Variants in MAP2K6 observed in about 807,000 individuals in gnomAD.
MAP2K6 encodes mitogen-activated protein kinase kinase 6.
In MAP2K6, 16 loss-of-function variants were observed where a neutral mutation model predicts 53.7. The observed-to-expected ratio is 0.30, with a 90% CI of 0.20 to 0.45. The LOEUF is 0.45. Ranked by LOEUF, MAP2K6 falls within the 20% of genes least tolerant of loss-of-function variation. The pLI, the probability that MAP2K6 is intolerant of heterozygous loss-of-function variation, is 1.00. For missense variants in MAP2K6, 204 were observed against 411.9 expected (o/e 0.50, Z 4.37); for synonymous variants, 132 against 143.1 (o/e 0.92, Z 0.55).
At position 69,530,530 on chromosome 17, in the gene MAP2K6, T is replaced by A. The variant is rs574951803; in HGVS notation, c.881+3821T>A. Among the ~76,000 whole-genome samples the A allele has an allele frequency of 5.3e-5, 8 of 152,250 alleles. No homozygotes were observed. In the East Asian group the frequency reaches 9.7e-4, roughly 18 times the overall value. ...TTTTGTTGGTATGGGAATTAAGAAA[T>A]AGAAGGGAATCGTTAATTCTGAATT... On this transcript the variant is annotated intron_variant, in intron 10 of 11. Coordinates refer to ENST00000590474, the MANE Select transcript of MAP2K6 (RefSeq NM_002758.4).
chr17:69,497,126 A>T (rs955594293), intron 1 of MAP2K6, among the ~76,000 whole-genome samples: 1 of 152,080 alleles, frequency 6.6e-6, no homozygotes, highest in Non-Finnish European at 1.5e-5. Flanking sequence ...TGTGGTCTCT[A>T]CCTCTTATTT....
chr17:69,420,746 T>TC (rs397766531), intron 1 of MAP2K6, among the ~76,000 whole-genome samples: 2 of 152,088 alleles, frequency 1.3e-5, no homozygotes, highest in Non-Finnish European at 2.9e-5. Context: ...AATTTTTTTT[T>TC]CTTCAGAATC....
intron 1 of MAP2K6, among the ~76,000 whole-genome samples, chr17:69,449,181 C>T (rs1341342967): frequency 3.3e-5 from 5 of 152,156 alleles, no homozygotes. Flanking sequence ...TACTTAACAT[C>T]TCTGTTTTTT....
Position 69,524,974 on chromosome 17 carries a change from C to T in MAP2K6, c.737C>T (p.Thr246Met). The change falls in exon 9 of 12, where the codon ACG (threonine) becomes ATG (methionine). Residue 246 changes from threonine (T) to methionine (M), a missense_variant. Thr to Met is a moderately conservative substitution (Grantham distance 81). Transcript: ENST00000590474. ...VKSDIWSLGI[T>M]MIELAILRFP... ...TCTGACATTTGGAGTCTGGGCATCA[C>T]GATGGTAGTGTATGCCAATCATCAT... is the stretch of plus-strand genomic sequence containing the variant. The T allele has an allele frequency of 1.2e-6, 2 of 1,610,634 alleles. No individual in the cohort carries two copies. Among genetic ancestry groups the T allele is most frequent in the Non-Finnish European group, 1.7e-6 (2 of 1,177,140 alleles).
intron 2 of MAP2K6, among the ~76,000 whole-genome samples, chr17:69,506,121 C>T (rs1395227986): frequency 6.6e-6 from 1 of 152,148 alleles, no homozygotes; most frequent in Non-Finnish European, 1.5e-5. Flanking sequence ...GCCAGAAAGG[C>T]CCCTGGATGT....
intron 1 of MAP2K6, among the ~76,000 whole-genome samples, chr17:69,439,239 C>G (rs1906741483): frequency 6.6e-6 from 1 of 152,194 alleles, no homozygotes; most frequent in Admixed American, 6.5e-5. Context: ...AGGTCTCCAT[C>G]TCTCCCTGCC....
At chr17:69,527,712 G>T (rs189586541) in intron 10 of MAP2K6, among the ~76,000 whole-genome samples, 6 of 152,282 alleles carry the variant, frequency 3.9e-5, no homozygotes, top group African/African-American at 1.4e-4. Context: ...GAGGGGAGCC[G>T]TTCTGAGTAC....
chr17:69,490,544 G>T (rs1908701347), intron 1 of MAP2K6, among the ~76,000 whole-genome samples: 1 of 152,116 alleles, frequency 6.6e-6, no homozygotes. Context: ...TTGTTAGAGA[G>T]TGTGGCAGTG....
At chr17:69,470,987 C>T (rs1165894295) in intron 1 of MAP2K6, among the ~76,000 whole-genome samples, 4 of 152,210 alleles carry the variant, frequency 2.6e-5, no homozygotes, top group African/African-American at 9.7e-5. Flanking sequence ...CTGGTGCTTT[C>T]ATTGTGAAAT....
intron 1 of MAP2K6, among the ~76,000 whole-genome samples, chr17:69,496,742 C>T (rs2145209049): frequency 6.6e-6 from 1 of 152,156 alleles, no homozygotes; most frequent in South Asian, 2.1e-4. Flanking sequence ...ATTCCCAGAT[C>T]TACTCATTTC....
intron 1 of MAP2K6, among the ~76,000 whole-genome samples, chr17:69,452,521 T>C (rs1907265166): frequency 6.6e-6 from 1 of 152,182 alleles, no homozygotes; most frequent in Non-Finnish European, 1.5e-5. Context: ...CCTACCTGCC[T>C]CATAGGAAAA....
chr17:69,500,332 G>C (rs1451043982), intron 1 of MAP2K6, among the ~76,000 whole-genome samples: 1 of 151,438 alleles, frequency 6.6e-6, no homozygotes, highest in African/African-American at 2.4e-5. Flanking sequence ...CCCAGTCGCA[G>C]CTACTCGGGA....
intron 1 of MAP2K6, among the ~76,000 whole-genome samples, chr17:69,465,581 C>A (rs1907768617): frequency 6.6e-6 from 1 of 151,202 alleles, no homozygotes; most frequent in Non-Finnish European, 1.5e-5. Flanking sequence ...GTAGGGGATG[C>A]AGAGGAGGGA....
intron 1 of MAP2K6, among the ~76,000 whole-genome samples, chr17:69,456,113 G>A (rs1038787330): frequency 2.0e-5 from 3 of 152,016 alleles, no homozygotes; most frequent in Admixed American, 6.6e-5. Context: ...CGCCCGCATC[G>A]GCCTCCCAAA....
intron 1 of MAP2K6, among the ~76,000 whole-genome samples, chr17:69,423,533 C>T (rs1362506686): frequency 1.3e-5 from 2 of 152,174 alleles, no homozygotes; most frequent in African/African-American, 2.4e-5. Flanking sequence ...GACAGAGCTC[C>T]CAGAAACATT....
rs577377559 is a variant in MAP2K6, at chr17:69,533,884, G to C, written c.882-2231G>C. On this transcript the variant is annotated intron_variant, in intron 10 of 11. Coordinates refer to ENST00000590474, the MANE Select transcript of MAP2K6 (RefSeq NM_002758.4). ...TTCCTGGGGTTGAGGGCAGGAGACG[G>C]TCGTGGTGAGAATGTGCTTAAAGAC... 1.1e-4 allele frequency among the ~76,000 whole-genome samples: 17 copies of C among 152,238 alleles called. No individual in the cohort carries two copies. The South Asian group carries it at 3.5e-3, about 32-fold the overall frequency.
chr17:69,521,785 T>C (rs1051806276), intron 7 of MAP2K6: 5 of 120,174 alleles, frequency 4.2e-5, no homozygotes, highest in East Asian at 2.3e-4. Context: ...AGGATTCTTA[T>C]AGGGAAGTAA....
At chr17:69,499,315 C>G (rs887699839) in intron 1 of MAP2K6, among the ~76,000 whole-genome samples, 1 of 152,158 alleles carries the variant, frequency 6.6e-6, no homozygotes, top group African/African-American at 2.4e-5. Flanking sequence ...ATGGAAGGGA[C>G]AAAAGGAAGT....
intron 1 of MAP2K6, among the ~76,000 whole-genome samples, chr17:69,425,398 C>T (rs1019800705): frequency 1.1e-4 from 16 of 151,954 alleles, no homozygotes; most frequent in South Asian, 4.2e-4. Context: ...CTGCAACCTC[C>T]GCCTCCCGGG....
Sources: allele counts gnomAD v4.1 joint callset (sites outside exome capture counted in the v4.1 genomes callset), GRCh38; gene constraint gnomAD v4.1.1; transcripts MANE v1.5; gene names NCBI Gene and HGNC (gene_info 2026-07-23, HGNC 2026-07-21).